Variants in MAGOH observed in about 807,000 individuals in gnomAD.
MAGOH encodes protein mago nashi homolog.
In MAGOH, 3 loss-of-function variants were observed where a neutral mutation model predicts 20.9. The observed-to-expected ratio is 0.14, with a 90% CI of 0.07 to 0.37. MAGOH has a LOEUF of 0.37. Among genes scored for constraint, MAGOH ranks in the 10% least tolerant of loss-of-function variants. MAGOH has a pLI of 1.00. For missense variants in MAGOH, 66 were observed against 178.1 expected, an observed-to-expected ratio of 0.37 and a Z score of 3.58; for synonymous variants, 51 against 61.0, an observed-to-expected ratio of 0.84 and a Z score of 0.76.
Position 53,226,901 on chromosome 1 carries a change from T to C in MAGOH, c.*144A>G. The C allele has an allele frequency of 3.4e-6, 2 of 594,552 alleles. No homozygotes were observed. The highest frequency in any genetic ancestry group is 5.9e-6 in the Non-Finnish European group (2 of 336,496). The allele number at this position is 594,552 out of a possible 1,614,324, so 36.8% of individuals were successfully genotyped here. On this transcript the variant is annotated 3_prime_UTR_variant, in exon 5 of 5. Transcript: ENST00000371470. Reference sequence around the variant, plus strand: ...AAGTAATTGAGAAGAGTTCACATGTTCAGGTCTTTATAAAATAATAAAAAT... The same window carrying C: ...AAGTAATTGAGAAGAGTTCACATGTCCAGGTCTTTATAAAATAATAAAAAT...
chr1:53,233,461 C>A, intron 3 of MAGOH, 81 bp downstream of exon 3: 2 of 918,514 alleles, frequency 2.2e-6, no homozygotes, highest in Non-Finnish European at 3.5e-6. Context: ...AGATAGGCAA[C>A]AAAAGCTTTA....
At chr1:53,232,483 T>C (rs1255572278) in intron 3 of MAGOH, among the ~76,000 whole-genome samples, 2 of 152,226 alleles carry the variant, frequency 1.3e-5, no homozygotes, top group Admixed American at 6.5e-5. Context: ...AACAGATCTT[T>C]TTCTTAATGA....
At chr1:53,236,794 T>C (rs1344055228) in intron 1 of MAGOH, among the ~76,000 whole-genome samples, 1 of 152,204 alleles carries the variant, frequency 6.6e-6, no homozygotes, top group African/African-American at 2.4e-5. Context: ...CCCCACTTAG[T>C]GGATGTCTTC....
At chr1:53,233,434 A>G (rs913186138) in intron 3 of MAGOH, 108 bp downstream of exon 3, 33 of 711,590 alleles carry the variant, frequency 4.6e-5, no homozygotes, top group Non-Finnish European at 5.8e-5. Flanking sequence ...TGCTTTGTCC[A>G]TAGTAGTTAG....
chr1:53,231,858 T>G (rs1478262313), intron 3 of MAGOH, among the ~76,000 whole-genome samples: 1 of 152,348 alleles, frequency 6.6e-6, no homozygotes, highest in Admixed American at 6.5e-5. Context: ...ATTACTTTGT[T>G]GAAAACTGAC....
intron 3 of MAGOH, among the ~76,000 whole-genome samples, chr1:53,230,681 G>T (rs550599415): frequency 2.9e-4 from 44 of 151,990 alleles, no homozygotes; most frequent in African/African-American, 1.0e-3. Context: ...TCCCACCTTG[G>T]CCTCCCAATT....
Position 53,235,652 on chromosome 1 carries a change from C to T in MAGOH, c.89-17G>A, listed in dbSNP as rs777692930. Reference sequence around the variant, plus strand: ...TTAACTTCCCTGTGGGGGCAAAAAACAATTTCAACGTATAATAAAAACATA... The same window carrying T: ...TTAACTTCCCTGTGGGGGCAAAAAATAATTTCAACGTATAATAAAAACATA... On this transcript the variant is annotated splice_polypyrimidine_tract_variant and intron_variant, in intron 1 of 4. Coordinates refer to ENST00000371470, the MANE Select transcript of MAGOH (RefSeq NM_002370.4). 6.2e-7 allele frequency: 1 copy of T among 1,603,824 alleles called. No individual in the cohort carries two copies. The highest frequency in any genetic ancestry group is 1.7e-5 in the Admixed American group (1 of 59,712).
chr1:53,228,592 G>A (rs1645571768), intron 4 of MAGOH, among the ~76,000 whole-genome samples: 1 of 152,032 alleles, frequency 6.6e-6, no homozygotes. Flanking sequence ...GCACTTTTTT[G>A]GCATATTCCA....
chr1:53,238,337 C>G (rs1484113102), intron 1 of MAGOH, 24 bp downstream of exon 1: 1 of 1,613,078 alleles, frequency 6.2e-7, no homozygotes, highest in East Asian at 2.2e-5. Context: ...TCCCCGCTCC[C>G]GGCGGGCGGC....
At chr1:53,231,349 T>C (rs898099923) in intron 3 of MAGOH, among the ~76,000 whole-genome samples, 34 of 152,354 alleles carry the variant, frequency 2.2e-4, no homozygotes, top group African/African-American at 8.2e-4. Context: ...ATGGCTTATC[T>C]TTCAACTTTA....
intron 4 of MAGOH, among the ~76,000 whole-genome samples, chr1:53,228,217 G>A (rs928050024): frequency 1.3e-5 from 2 of 152,088 alleles, no homozygotes; most frequent in African/African-American, 4.8e-5. Context: ...GGATCATGAG[G>A]TCAGGAGTTC....
chr1:53,238,506 T>A lies in MAGOH; in HGVS notation c.-58A>T. 1 of 1,483,922 alleles carries A rather than the reference T, an allele frequency of 6.7e-7. No individual in the cohort carries two copies. Among genetic ancestry groups the A allele is most frequent in the Non-Finnish European group, 9.4e-7 (1 of 1,061,404 alleles). 91.9% of individuals were successfully genotyped at this position (1,483,922 alleles called of 1,614,324 possible). A position where few individuals can be genotyped will look rare whatever the true frequency, so the allele number is the denominator to read the frequency against. On this transcript the variant is annotated 5_prime_UTR_variant, in exon 1 of 5. Transcript: ENST00000371470. ...AAGAGCAAGCCGCACTGCCGCCGTC[T>A]GCGCCCGACACTGACGTTTGCGGCG...
At chr1:53,230,006 C>T (rs1423268724) in intron 3 of MAGOH, among the ~76,000 whole-genome samples, 2 of 152,168 alleles carry the variant, frequency 1.3e-5, no homozygotes, top group African/African-American at 2.4e-5. Context: ...CTTTGTCACT[C>T]CCTACATGTA....
At chr1:53,227,195 G>T in intron 4 of MAGOH, 51 bp from the exon 5 acceptor site, 1 of 1,006,652 alleles carries the variant, frequency 9.9e-7, no homozygotes, top group Non-Finnish European at 1.5e-6. Context: ...GACCCATCAA[G>T]TGTCCCTAAA....
At position 53,238,488 on chromosome 1, in the gene MAGOH, A is replaced by G. The variant is rs1291123039; in HGVS notation, c.-40T>C. The stretch of plus-strand genomic sequence containing the variant: ...AACCGAGCCTGAACTTCCAAGAGCA[A>G]GCCGCACTGCCGCCGTCTGCGCCCG... On this transcript the variant is annotated 5_prime_UTR_variant, in exon 1 of 5. Transcript: ENST00000371470. 1 of 1,568,634 alleles carries G rather than the reference A, an allele frequency of 6.4e-7. No homozygotes were observed. Among genetic ancestry groups the G allele is most frequent in the Non-Finnish European group, 8.8e-7 (1 of 1,138,778 alleles).
chr1:53,229,102 G>T, intron 3 of MAGOH, 148 bp from the exon 4 acceptor site: 1 of 616,508 alleles, frequency 1.6e-6, no homozygotes, highest in Non-Finnish European at 2.9e-6. Flanking sequence ...AAACTGTGCT[G>T]GGCACTAGAA....
intron 3 of MAGOH, among the ~76,000 whole-genome samples, chr1:53,231,682 G>A (rs191161566): frequency 2.8e-4 from 43 of 152,106 alleles, no homozygotes; most frequent in Non-Finnish European, 3.7e-4. Flanking sequence ...GTCAATTCCC[G>A]AGGCAATATC....
At chr1:53,233,183 C>T (rs187992179) in intron 3 of MAGOH, 448 of 164,412 alleles carry the variant, frequency 2.7e-3, no homozygotes, top group African/African-American at 0.01. Context: ...ACAAGGAAAT[C>T]TATTAGAAGT....
At chr1:53,232,375 AAGT>A (rs1431282181) in intron 3 of MAGOH, among the ~76,000 whole-genome samples, 1 of 152,242 alleles carries the variant, frequency 6.6e-6, no homozygotes, top group East Asian at 1.9e-4. Flanking sequence ...ACTGAAAAGC[AAGT>A]AAGACAATTT....
Sources: gnomAD v4.1 joint callset for allele counts (sites outside exome capture counted in the v4.1 genomes callset) on GRCh38, gnomAD v4.1.1 for gene constraint, MANE v1.5 for transcripts, NCBI Gene and HGNC (gene_info 2026-07-23, HGNC 2026-07-21) for gene names.